Variants in GPHN observed in about 807,000 individuals in gnomAD.
GPHN encodes gephyrin.
GPHN carries 17 observed loss-of-function variants against 95.5 expected under a neutral mutation model. That is an observed-to-expected ratio of 0.18 (90% CI 0.12 to 0.27). The LOEUF (loss-of-function observed/expected upper bound fraction) is 0.27, where lower values mean the gene tolerates loss of function less well. Ranked by LOEUF, GPHN falls within the 10% of genes least tolerant of loss-of-function variation. The pLI, the probability that GPHN is intolerant of heterozygous loss-of-function variation, is 1.00. For synonymous variants in GPHN, 320 were observed against 322.5 expected (o/e 0.99, Z 0.08); for missense variants, 660 against 978.1 (o/e 0.67, Z 4.34).
intron 1 of GPHN, among the ~76,000 whole-genome samples, chr14:66,679,502 C>G (rs1011928066): frequency 3.9e-5 from 6 of 152,124 alleles, no homozygotes; most frequent in African/African-American, 1.4e-4. Flanking sequence ...GGGCTAGTCT[C>G]AGCAATTTTT....
chr14:67,398,352 C>T, the GPHN span, among the ~76,000 whole-genome samples: 1 of 152,130 alleles, frequency 6.6e-6, no homozygotes, highest in African/African-American at 2.4e-5. Flanking sequence ...AGAAAGGGAT[C>T]CTTTCTGATC....
At chr14:66,776,543 C>T in intron 3 of GPHN, 22 bp downstream of exon 3, 3 of 1,402,424 alleles carry the variant, frequency 2.1e-6, no homozygotes, top group Non-Finnish European at 3.0e-6. Context: ...CATTTTTCAC[C>T]TCTACAAACA....
At chr14:67,392,204 G>A in the GPHN span, 16 of 712,568 alleles carry the variant, frequency 2.2e-5, no homozygotes, top group Non-Finnish European at 3.0e-5. Context: ...TCTTGCTTTC[G>A]TAGATTTTGC....
chr14:66,597,002 C>G (rs1015391379), intron 1 of GPHN, among the ~76,000 whole-genome samples: 1 of 152,154 alleles, frequency 6.6e-6, no homozygotes, highest in Non-Finnish European at 1.5e-5. Context: ...CATCTGCTGC[C>G]ATTAGGATAG....
intron 2 of GPHN, among the ~76,000 whole-genome samples, chr14:66,687,895 C>G (rs989517867): frequency 7.2e-5 from 11 of 152,126 alleles, no homozygotes; most frequent in African/African-American, 2.6e-4. Flanking sequence ...AGATCTTTCA[C>G]CCACTTGGTT....
chr14:66,927,177 C>T (rs1042475999), intron 8 of GPHN, among the ~76,000 whole-genome samples: 1 of 151,884 alleles, frequency 6.6e-6, no homozygotes, highest in African/African-American at 2.4e-5. Context: ...GGTGAAACCC[C>T]GTCTCTACTA....
chr14:67,576,552 G>A, the GPHN span: 2 of 906,218 alleles, frequency 2.2e-6, no homozygotes, highest in East Asian at 2.4e-5. The surrounding 1 kb of genome is among the most constrained non-coding windows in gnomAD (Gnocchi z 4.0). Flanking sequence ...TAGTGGCTTG[G>A]TGACTATTGG....
the GPHN span, among the ~76,000 whole-genome samples, chr14:67,423,482 T>G: frequency 6.8e-6 from 1 of 147,882 alleles, no homozygotes; most frequent in East Asian, 2.0e-4. Flanking sequence ...GGGCCAAGAG[T>G]GAAAGGTGGG....
intron 8 of GPHN, among the ~76,000 whole-genome samples, chr14:66,961,902 A>ATG (rs1339860946): frequency 1.7e-4 from 7 of 41,784 alleles, no homozygotes; most frequent in Non-Finnish European, 3.8e-4. Context: ...CTGAATGTGT[A>ATG]TATATATATA....
At chr14:67,498,634 G>A in the GPHN span, among the ~76,000 whole-genome samples, 3 of 152,192 alleles carry the variant, frequency 2.0e-5, no homozygotes, top group African/African-American at 7.2e-5. Flanking sequence ...CAAGTGATCA[G>A]TCTCCCAGAA....
At chr14:67,022,668 T>A (rs2073721883) in intron 9 of GPHN, among the ~76,000 whole-genome samples, 1 of 150,216 alleles carries the variant, frequency 6.7e-6, no homozygotes, top group African/African-American at 2.4e-5. Flanking sequence ...TTAACAATTG[T>A]TTTTTTCAGG....
the GPHN span, among the ~76,000 whole-genome samples, chr14:67,336,032 C>CTA: frequency 6.6e-6 from 1 of 152,170 alleles, no homozygotes; most frequent in African/African-American, 2.4e-5. Flanking sequence ...AAACCAACAA[C>CTA]TAAGTGTATT....
the GPHN span, chr14:67,650,422 C>G: frequency 2.6e-6 from 1 of 387,674 alleles, no homozygotes; most frequent in South Asian, 3.1e-5. Context: ...CAACACCAAG[C>G]CTTTTCCTTT....
chr14:66,571,629 G>T (rs2060693360), intron 1 of GPHN, among the ~76,000 whole-genome samples: 1 of 152,036 alleles, frequency 6.6e-6, no homozygotes, highest in Non-Finnish European at 1.5e-5. Context: ...TGGCCAACAT[G>T]GTGAAACCGC....
chr14:67,443,658 C>T, the GPHN span, among the ~76,000 whole-genome samples: 4 of 152,068 alleles, frequency 2.6e-5, no homozygotes, highest in South Asian at 8.3e-4. Flanking sequence ...GTCCCAGGTA[C>T]TCAGGAGGCT....
the GPHN span, chr14:67,573,914 T>G: frequency 2.8e-5 from 43 of 1,545,332 alleles, no homozygotes; most frequent in African/African-American, 5.3e-4. This position sits in a 1 kb window ranked among gnomAD's most constrained non-coding sequence, Gnocchi z 4.8. Flanking sequence ...CTGCTAGTAT[T>G]TTAAACAGAA....
intron 8 of GPHN, among the ~76,000 whole-genome samples, chr14:66,940,464 G>C (rs944552792): frequency 6.6e-6 from 1 of 152,096 alleles, no homozygotes; most frequent in Admixed American, 6.5e-5. Context: ...ACTGCAACAG[G>C]GTGCCACCCA....
At chr14:67,351,517 T>C in the GPHN span, among the ~76,000 whole-genome samples, 1 of 152,180 alleles carries the variant, frequency 6.6e-6, no homozygotes, top group African/African-American at 2.4e-5. Context: ...TTTTATTATT[T>C]TTATTTTTTG....
At chr14:66,820,138 G>T (rs1384015521) in intron 3 of GPHN, among the ~76,000 whole-genome samples, 7 of 151,964 alleles carry the variant, frequency 4.6e-5, no homozygotes, top group Non-Finnish European at 1.0e-4. Context: ...GAAAGATAAG[G>T]ATATTTGCAC....
Sources: allele counts gnomAD v4.1 joint callset (sites outside exome capture counted in the v4.1 genomes callset), GRCh38; gene constraint gnomAD v4.1.1; non-coding constraint Gnocchi (gnomAD v3.1); transcripts MANE v1.5; gene names NCBI Gene and HGNC (gene_info 2026-07-23, HGNC 2026-07-21).